The following MUC20 variants were observed in gnomAD, a reference collection of about 807,000 sequenced individuals.
The protein encoded by MUC20 is mucin-20.
Under a neutral mutation model 23.8 loss-of-function variants are expected in MUC20, and 14 were observed. That is an observed-to-expected ratio of 0.59 (90% confidence interval 0.39 to 0.92). The LOEUF is 0.92. MUC20 is among the 40% of genes least tolerant of loss of function. The pLI is 0.00. For synonymous variants in MUC20, 166 were observed against 279.3 expected (o/e 0.59, Z 4.04); for missense variants, 375 against 668.8 (o/e 0.56, Z 4.85).
chr3:195,728,613 G>GC (rs1242943018), intron 2 of MUC20, among the ~76,000 whole-genome samples: 1 of 152,056 alleles, frequency 6.6e-6, no homozygotes, highest in Non-Finnish European at 1.5e-5. Flanking sequence ...GGAGACAGTG[G>GC]CCTTCCTCTA....
rs1426518999 is a variant in MUC20, at chr3:195,726,355, C to T, written c.1752C>T (p.Phe584=). Residue 584 remains phenylalanine (F), a synonymous_variant, in exon 2 of 4, where the codon TTC becomes TTT. Transcript: ENST00000447234. ...YSPSEAALKN[F]TPSETPTMDI... is the part of the protein sequence containing the mutation. ...CCTCGGAAGCCGCCCTCAAGAACTT[C>T]ACCCCTTCAGAGACACCGACCATGG... 8.7e-6 allele frequency: 14 copies of T among 1,613,950 alleles called. No homozygotes were observed. In the African/African-American group the frequency reaches 9.3e-5, roughly 11 times the overall value.
chr3:195,726,866 G>C (rs1479456966), intron 2 of MUC20, among the ~76,000 whole-genome samples: 4 of 152,264 alleles, frequency 2.6e-5, no homozygotes, highest in African/African-American at 9.6e-5. Flanking sequence ...CTGGGCCTCA[G>C]TTTCTCCACC....
intron 1 of MUC20, chr3:195,721,982 G>C (rs1258819439): frequency 1.3e-5 from 2 of 153,700 alleles, no homozygotes; most frequent in African/African-American, 2.4e-5. Context: ...AGCTGAGATC[G>C]CACCCTTGCG....
At chr3:195,723,202 C>T (rs1464011998) in intron 1 of MUC20, among the ~76,000 whole-genome samples, 7 of 147,716 alleles carry the variant, frequency 4.7e-5, no homozygotes, top group Non-Finnish European at 4.5e-5. Flanking sequence ...GAGCTGCAAC[C>T]GAGGCTCTTG....
intron 3 of MUC20, chr3:195,729,955 A>G (rs1863): frequency 1.5e-5 from 9 of 593,484 alleles, no homozygotes; most frequent in Non-Finnish European, 2.1e-5. Context: ...CAATGTAAAC[A>G]TGTGACTCCT....
intron 3 of MUC20, 99 bp downstream of exon 3, chr3:195,729,838 C>A: frequency 8.9e-7 from 1 of 1,126,394 alleles, no homozygotes; most frequent in Non-Finnish European, 1.3e-6. Flanking sequence ...AGCTACCGCG[C>A]TTGGAAGGGA....
intron 2 of MUC20, among the ~76,000 whole-genome samples, chr3:195,726,805 C>G (rs1349853682): frequency 5.3e-5 from 8 of 151,298 alleles, no homozygotes; most frequent in African/African-American, 2.0e-4. Flanking sequence ...TTTGCGGTCT[C>G]GGCTCTGCCT....
At chr3:195,723,579 T>C (rs866036756) in intron 1 of MUC20, among the ~76,000 whole-genome samples, 280 of 116,122 alleles carry the variant, frequency 2.4e-3, no homozygotes, top group African/African-American at 8.3e-3. Context: ...GCATGAGAAA[T>C]ACTCATGCTA....
chr3:195,726,552 CG>C lies in MUC20; in HGVS notation c.1950del (p.Thr651ProfsTer4). 6.2e-7 allele frequency: 1 copy of C among 1,613,152 alleles called. No individual in the cohort carries two copies. The highest frequency in any genetic ancestry group is 2.2e-5 in the East Asian group (1 of 44,888). Reference protein sequence around the residue: ...TATPTTARTRPTTDVSAGENG... With the variant: ...TATPTTARTRXTTDVSAGENG... ...ACGCCCACGACTGCCCGGACGAGGCCGACCACAGACGTGAGTGCAGGTAAGT... is the reference window on the plus strand; with the variant it reads ...ACGCCCACGACTGCCCGGACGAGGCCACCACAGACGTGAGTGCAGGTAAGT... On this transcript the variant is annotated frameshift_variant, in exon 2 of 4. Coordinates refer to ENST00000447234, the MANE Select transcript of MUC20 (RefSeq NM_001282506.2). LOFTEE classifies it high-confidence loss of function.
At chr3:195,726,625 G>T in intron 2 of MUC20, 53 bp downstream of exon 2, 1 of 1,562,766 alleles carries the variant, frequency 6.4e-7, no homozygotes, top group Non-Finnish European at 8.7e-7. Flanking sequence ...GAGTTTCCAG[G>T]ACGTCTCCGC....
At chr3:195,727,110 T>C (rs1560180408) in intron 2 of MUC20, among the ~76,000 whole-genome samples, 1 of 152,258 alleles carries the variant, frequency 6.6e-6, no homozygotes, top group Non-Finnish European at 1.5e-5. Context: ...TTAAAATAAA[T>C]TAATACAGGC....
At chr3:195,727,958 CAT>C (rs1712885236) in intron 2 of MUC20, among the ~76,000 whole-genome samples, 1 of 144,346 alleles carries the variant, frequency 6.9e-6, no homozygotes. Context: ...ACCAGCTTTG[CAT>C]ATGTTATGAT....
chr3:195,732,135 C>G (rs1713456565), intron 3 of MUC20, among the ~76,000 whole-genome samples: 1 of 152,110 alleles, frequency 6.6e-6, no homozygotes, highest in Non-Finnish European at 1.5e-5. Context: ...TTCTGAGTAG[C>G]TGGGATTACA....
intron 2 of MUC20, among the ~76,000 whole-genome samples, chr3:195,726,970 C>A (rs1447572545): frequency 1.3e-5 from 2 of 152,288 alleles, no homozygotes; most frequent in African/African-American, 4.8e-5. Flanking sequence ...AGCTTCTATT[C>A]CAGCCATAGC....
chr3:195,722,940 T>A, intron 1 of MUC20: 1 of 189,972 alleles, frequency 5.3e-6, no homozygotes, highest in Non-Finnish European at 9.2e-6. Context: ...CAACTATGCG[T>A]GCTTTCCAGT....
intron 1 of MUC20, chr3:195,724,203 G>A (rs1435786873): frequency 2.9e-4 from 16 of 55,284 alleles, no homozygotes; most frequent in Non-Finnish European, 5.0e-4. Context: ...AATCCACCCA[G>A]CTACCCCGAA....
chr3:195,732,328 TTCTTTTTCTTTTTCTTTC>T (rs1232951251), intron 3 of MUC20, among the ~76,000 whole-genome samples: 30 of 132,706 alleles, frequency 2.3e-4, no homozygotes, highest in Admixed American at 1.3e-3. Context: ...AGTTTTCTTT[TTCTTTTTCTTTTTCTTTC>T]TCTTTTTCTT....
At chr3:195,728,347 G>A (rs1712943397) in intron 2 of MUC20, among the ~76,000 whole-genome samples, 1 of 152,254 alleles carries the variant, frequency 6.6e-6, no homozygotes, top group African/African-American at 2.4e-5. Flanking sequence ...ATAAGGAGAA[G>A]GTCAGCAAGA....
chr3:195,729,335 TGAGACAG>T, intron 2 of MUC20: 2 of 173,392 alleles, frequency 1.2e-5, no homozygotes, highest in South Asian at 1.8e-4. Flanking sequence ...TTTTTTTTTT[TGAGACAG>T]TTTCGCTCTT....
Sources: gnomAD v4.1 joint callset for allele counts (sites outside exome capture counted in the v4.1 genomes callset) on GRCh38, gnomAD v4.1.1 for gene constraint, MANE v1.5 for transcripts, NCBI Gene and HGNC (gene_info 2026-07-23, HGNC 2026-07-21) for gene names.